The following ANO1 variants were observed in gnomAD, a reference collection of about 807,000 sequenced individuals.
The protein encoded by ANO1 is anoctamin-1.
Under a neutral mutation model 124.0 loss-of-function variants are expected in ANO1, and 59 were observed. The ratio of observed to expected loss-of-function variants is 0.48; its 90% CI spans 0.39 to 0.59. The LOEUF is 0.59. Among genes scored for constraint, ANO1 ranks in the 20% least tolerant of loss-of-function variants. ANO1 has a pLI of 0.00. For synonymous variants in ANO1, 529 were observed against 532.0 expected, an observed-to-expected ratio of 0.99 and a Z score of 0.08; for missense variants, 1,059 against 1,328.0, an observed-to-expected ratio of 0.80 and a Z score of 3.15.
the ANO1 span, among the ~76,000 whole-genome samples, chr11:69,976,506 CTAAAAAAAAAAAAAAAAAAAA>C: frequency 1.3e-5 from 1 of 79,684 alleles, no homozygotes; most frequent in Admixed American, 1.8e-4. Context: ...AACTCCGTCT[CTAAAAAAAAAAAAAAAAAAAA>C]AAAAAAAAAA....
the ANO1 span, among the ~76,000 whole-genome samples, chr11:69,977,574 T>A: frequency 2.6e-5 from 4 of 152,360 alleles, no homozygotes; most frequent in South Asian, 8.3e-4. Context: ...AGTGTGGCCC[T>A]TAGGTCTGAG....
chr11:70,095,248 AAAGG>A lies in ANO1; in HGVS notation c.441+7215_441+7218del, dbSNP rs71046578. Among the ~76,000 whole-genome samples the A allele has an allele frequency of 9.2e-4, 34 of 36,982 alleles. 1 individual carries two copies. The highest frequency in any genetic ancestry group is 3.0e-3 in the African/African-American group (27 of 9,034). 24.3% of individuals were successfully genotyped at this position (36,982 alleles called of 152,430 possible). ...AGAGAGAGAGGAAAGAAAGAAAAAG[AAAGG>A]AAGGAAGGAAGGAAGGAAGGAAGGA... On this transcript the variant is annotated intron_variant, in intron 2 of 25. Coordinates refer to ENST00000355303, the MANE Select transcript of ANO1 (RefSeq NM_018043.7).
chr11:70,034,017 G>A (rs567361047), intron 1 of ANO1, among the ~76,000 whole-genome samples: 8 of 152,084 alleles, frequency 5.3e-5, no homozygotes, highest in African/African-American at 1.7e-4. Flanking sequence ...GTTCCTTGAG[G>A]GCAAGCATCC....
At position 70,167,255 on chromosome 11, in the gene ANO1, C is replaced by T. The variant is rs764707046; in HGVS notation, c.2065C>T (p.Leu689Phe). Residue 689 changes from leucine to phenylalanine, a missense_variant, in exon 21 of 26, where the codon CTC becomes TTC. Coordinates refer to ENST00000355303, the MANE Select transcript of ANO1 (RefSeq NM_018043.7). Reference protein sequence around the residue: ...FEIGIPKMKKLIRYLKLKQQS... With the variant: ...FEIGIPKMKKFIRYLKLKQQS... ...CTCATCTCTCAGGAAGATGAAGAAG[C>T]TCATCCGCTACCTGAAGCTGAAGCA... 2 of 1,613,968 alleles carry T rather than the reference C, an allele frequency of 1.2e-6. No individual in the cohort carries two copies. Among genetic ancestry groups the T allele is most frequent in the South Asian group, 2.2e-5 (2 of 91,078 alleles).
At chr11:70,049,575 A>G (rs1053927946) in intron 1 of ANO1, among the ~76,000 whole-genome samples, 1 of 142,606 alleles carries the variant, frequency 7.0e-6, no homozygotes, top group Admixed American at 7.1e-5. Flanking sequence ...ATGGGGATGG[A>G]GGATAAATGC....
At chr11:70,083,006 C>A (rs1485658305) in intron 1 of ANO1, among the ~76,000 whole-genome samples, 1 of 152,194 alleles carries the variant, frequency 6.6e-6, no homozygotes, top group African/African-American at 2.4e-5. Context: ...CGCTGGGACT[C>A]CCACACCTGT....
intron 11 of ANO1, among the ~76,000 whole-genome samples, chr11:70,149,265 C>T (rs530154707): frequency 2.2e-4 from 33 of 152,312 alleles, no homozygotes; most frequent in African/African-American, 7.2e-4. Flanking sequence ...ACGGCTCTTG[C>T]CTCACAGGAT....
chr11:70,035,977 A>G (rs1231095079), intron 1 of ANO1, among the ~76,000 whole-genome samples: 3 of 152,214 alleles, frequency 2.0e-5, no homozygotes, highest in African/African-American at 4.8e-5. Context: ...TAGTGCTGCA[A>G]TAAACATACA....
In ANO1 at chr11:70,087,820, G is replaced by A. The variant is rs1461022325; in HGVS notation, c.177G>A (p.Arg59=). Residue 59 remains arginine, a synonymous_variant, in exon 2 of 26, where the codon CGG becomes CGA. Transcript: ENST00000355303. ...CKYGLYFRDG[R]RKVDYILVYH... is the part of the protein sequence containing the mutation. ...ATGGCCTGTACTTCAGGGACGGCCG[G>A]CGCAAGGTGGACTACATCCTGGTGT... is the stretch of plus-strand genomic sequence containing the variant. 6.2e-7 allele frequency: 1 copy of A among 1,613,130 alleles called. No individual in the cohort carries two copies. Among genetic ancestry groups the A allele is most frequent in the African/African-American group, 1.3e-5 (1 of 75,056 alleles).
chr11:70,071,664 C>T (rs1857876551), intron 1 of ANO1, among the ~76,000 whole-genome samples: 1 of 152,010 alleles, frequency 6.6e-6, no homozygotes, highest in Admixed American at 6.6e-5. Context: ...CGCTCTGTCA[C>T]CCAGGCTGAA....
At chr11:70,012,448 A>G (rs1419144176) in intron 1 of ANO1, among the ~76,000 whole-genome samples, 1 of 150,732 alleles carries the variant, frequency 6.6e-6, no homozygotes, top group East Asian at 2.0e-4. Flanking sequence ...CCATTCATTC[A>G]TCTATCTATT....
intron 1 of ANO1, among the ~76,000 whole-genome samples, chr11:70,033,892 G>A (rs533428320): frequency 1.3e-5 from 2 of 152,150 alleles, no homozygotes; most frequent in Admixed American, 1.3e-4. Context: ...TCACCATCTT[G>A]AACATCTGCT....
intron 1 of ANO1, among the ~76,000 whole-genome samples, chr11:70,034,805 A>G (rs578073262): frequency 6.6e-6 from 1 of 152,348 alleles, no homozygotes; most frequent in South Asian, 2.1e-4. Flanking sequence ...TTTTGCACTT[A>G]ACGCAAAAGA....
intron 11 of ANO1, among the ~76,000 whole-genome samples, chr11:70,145,943 C>CAAAAA (rs10589426): frequency 1.6e-3 from 173 of 108,612 alleles, no homozygotes; most frequent in Non-Finnish European, 2.2e-3. Flanking sequence ...TCTCAAAAAA[C>CAAAAA]AAAAAAAAAA....
At chr11:70,038,786 A>C (rs1190102995) in intron 1 of ANO1, among the ~76,000 whole-genome samples, 7 of 152,224 alleles carry the variant, frequency 4.6e-5, no homozygotes, top group African/African-American at 1.7e-4. Context: ...CCAAGGTAGG[A>C]AAAACCTCAG....
the ANO1 span, among the ~76,000 whole-genome samples, chr11:69,974,547 C>T: frequency 2.0e-5 from 3 of 152,212 alleles, no homozygotes; most frequent in Non-Finnish European, 4.4e-5. Flanking sequence ...CAGCAGTAGT[C>T]TCTTGGCCAG....
intron 12 of ANO1, among the ~76,000 whole-genome samples, chr11:70,151,640 C>G (rs76127919): frequency 1.1e-3 from 170 of 152,220 alleles, no homozygotes; most frequent in African/African-American, 3.9e-3. Flanking sequence ...GGGTGATAAC[C>G]GAAGTCACTG....
chr11:70,031,616 G>A (rs1555003814), intron 1 of ANO1, among the ~76,000 whole-genome samples: 1 of 152,176 alleles, frequency 6.6e-6, no homozygotes, highest in African/African-American at 2.4e-5. Flanking sequence ...CCAAGAGACT[G>A]GTGGGAGGGA....
chr11:70,136,037 G>A (rs1240725376), intron 11 of ANO1, among the ~76,000 whole-genome samples: 1 of 152,220 alleles, frequency 6.6e-6, no homozygotes, highest in Non-Finnish European at 1.5e-5. Context: ...CCTTCTGGGA[G>A]TTCCTGCTGC....
Sources: gnomAD v4.1 joint callset for allele counts (sites outside exome capture counted in the v4.1 genomes callset) on GRCh38, gnomAD v4.1.1 for gene constraint, MANE v1.5 for transcripts, NCBI Gene and HGNC (gene_info 2026-07-23, HGNC 2026-07-21) for gene names.